The following LRRC41 variants were observed in gnomAD, a reference collection of about 807,000 sequenced individuals.
LRRC41 encodes leucine-rich repeat-containing protein 41.
In LRRC41, 17 loss-of-function variants were observed where a neutral mutation model predicts 72.1. The ratio of observed to expected loss-of-function variants is 0.24; its 90% CI spans 0.16 to 0.35. LRRC41 has a LOEUF of 0.35. Among genes scored for constraint, LRRC41 ranks in the 10% least tolerant of loss-of-function variants. The probability of loss-of-function intolerance (pLI) is 1.00; values close to 1 mark genes in which losing one functional copy is unlikely to be tolerated. For synonymous variants in LRRC41, 427 were observed against 431.0 expected (o/e 0.99, Z 0.11); for missense variants, 759 against 1,065.0 (o/e 0.71, Z 4.00).
At chr1:46,287,181 A>G (rs1660902401) in intron 3 of LRRC41, among the ~76,000 whole-genome samples, 1 of 148,198 alleles carries the variant, frequency 6.7e-6, no homozygotes, top group Non-Finnish European at 1.5e-5. Flanking sequence ...TGATCTCGGC[A>G]CACTGCAAGC....
At position 46,301,768 on chromosome 1, in the gene LRRC41, G is replaced by A. The variant is rs565638815; in HGVS notation, c.199+1356C>T. Among the ~76,000 whole-genome samples the A allele has an allele frequency of 2.6e-5, 4 of 151,924 alleles. No homozygotes were observed. In the East Asian group the frequency reaches 7.8e-4, roughly 30 times the overall value. On this transcript the variant is annotated intron_variant, in intron 1 of 9. Transcript: ENST00000617190. The stretch of plus-strand genomic sequence containing the variant: ...TCCTGCAAAGACGCCACGGCCACCC[G>A]CAAGGCCTCCTGGTGGAACCTCCCC...
intron 3 of LRRC41, among the ~76,000 whole-genome samples, chr1:46,289,374 T>TG (rs1206700385): frequency 6.6e-6 from 1 of 152,220 alleles, no homozygotes; most frequent in African/African-American, 2.4e-5. Flanking sequence ...GACAGTTAAA[T>TG]GAGTAAAGTT....
In LRRC41 at chr1:46,277,790, T is replaced by G. The variant is rs771921324; in HGVS notation, c.*1075A>C. 2 of 1,584,514 alleles carry G rather than the reference T, an allele frequency of 1.3e-6. No individual in the cohort carries two copies. The highest frequency in any genetic ancestry group is 2.2e-5 in the South Asian group (2 of 90,478). Reference sequence around the variant, plus strand: ...GAGGATGGCTAAGCGCTGTATCTTTTGACATTCCCCACCTCCTCTTCCCCA... The same window carrying G: ...GAGGATGGCTAAGCGCTGTATCTTTGGACATTCCCCACCTCCTCTTCCCCA... On this transcript the variant is annotated 3_prime_UTR_variant, in exon 10 of 10. Transcript: ENST00000617190.
chr1:46,296,460 C>CT, intron 3 of LRRC41, among the ~76,000 whole-genome samples: 1 of 152,072 alleles, frequency 6.6e-6, no homozygotes, highest in South Asian at 2.1e-4. Context: ...ACTGTTAGGT[C>CT]TTTAAGATTA....
intron 3 of LRRC41, among the ~76,000 whole-genome samples, chr1:46,291,812 G>A (rs529655735): frequency 2.2e-4 from 33 of 150,786 alleles, no homozygotes; most frequent in African/African-American, 7.5e-4. Context: ...CACCTGCCTC[G>A]GCCTCTCAAA....
intron 4 of LRRC41, among the ~76,000 whole-genome samples, chr1:46,283,009 A>C (rs868346813): frequency 1.3e-4 from 20 of 151,298 alleles, no homozygotes; most frequent in African/African-American, 4.9e-4. Flanking sequence ...GGGTGACAAC[A>C]GAGACTCCCT....
rs181459154 is a variant in LRRC41 at position 46,278,119 on chromosome 1, C to T, written c.*746G>A. 30 of 1,613,864 alleles carry T rather than the reference C, an allele frequency of 1.9e-5. No individual in the cohort carries two copies. The East Asian group carries it at 4.7e-4, about 25-fold the overall frequency. ...AACAGCCGTCAGATCCGGCCACCCC[C>T]TGATGGTTCTGACTGCACTTCAGAC... On this transcript the variant is annotated 3_prime_UTR_variant, in exon 10 of 10. Transcript: ENST00000617190.
chr1:46,280,177 G>C lies in LRRC41; in HGVS notation c.2020+15C>G, dbSNP rs1282576013. 6.2e-7 allele frequency: 1 copy of C among 1,603,310 alleles called. No homozygotes were observed. The highest frequency in any genetic ancestry group is 1.7e-5 in the Admixed American group (1 of 59,996). ...AAGACCCAGGAAATGTCCAGGTTCT[G>C]AATAAGGAACTTACCTTGCAGAGTC... On this transcript the variant is annotated intron_variant, in intron 7 of 9. Transcript: ENST00000617190.
At chr1:46,294,688 G>C (rs554740292) in intron 3 of LRRC41, among the ~76,000 whole-genome samples, 202 of 144,352 alleles carry the variant, frequency 1.4e-3, no homozygotes, top group Non-Finnish European at 2.4e-3. Flanking sequence ...TCTGCCTCCT[G>C]GGTTCAAGCA....
rs752142012 is a variant in LRRC41, at chr1:46,286,038, C to A, written c.819G>T (p.Arg273=). 3 of 1,590,438 alleles carry A rather than the reference C, an allele frequency of 1.9e-6. No homozygotes were observed. The highest frequency in any genetic ancestry group is 1.7e-5 in the Admixed American group (1 of 57,322). The part of the protein sequence containing the change: ...CRLCGEASRG[R]APSRDEGSLL... ...GGGACCCTTCATCTCGGGATGGGGC[C>A]CGGCCTCGGGAGGCCTCTCCACAGA... The change falls in exon 4 of 10, where the codon CGG becomes CGT. Residue 273 remains arginine (R), a synonymous_variant. Transcript: ENST00000617190. This position sits in a 1 kb window ranked among gnomAD's most constrained non-coding sequence, Gnocchi z 5.5.
At chr1:46,295,122 C>T (rs1299006653) in intron 3 of LRRC41, among the ~76,000 whole-genome samples, 3 of 151,792 alleles carry the variant, frequency 2.0e-5, no homozygotes, top group African/African-American at 4.8e-5. Flanking sequence ...TACAGTGGTG[C>T]GATCTTGGCT....
chr1:46,297,996 G>A (rs1661157333), intron 2 of LRRC41, among the ~76,000 whole-genome samples: 1 of 152,142 alleles, frequency 6.6e-6, no homozygotes, highest in African/African-American at 2.4e-5. Context: ...AATGAGGGGA[G>A]GAAGCTTGGT....
At position 46,278,922 on chromosome 1, in the gene LRRC41, C is replaced by G. The variant is rs761964044; in HGVS notation, c.2382G>C (p.Val794=). 9 of 1,613,634 alleles carry G rather than the reference C, an allele frequency of 5.6e-6. No homozygotes were observed. The East Asian group carries it at 1.8e-4, about 32-fold the overall frequency. ...AIRRLRATCH[V]VSDSWDSSQA... ...GGGATGAGTCCCATGAGTCGCTAACCACATGGCAGGTAGCCCGGAGCCGCC... is the reference window on the plus strand; with the variant it reads ...GGGATGAGTCCCATGAGTCGCTAACGACATGGCAGGTAGCCCGGAGCCGCC... The change falls in exon 10 of 10, where the codon GTG becomes GTC. Residue 794 remains valine (V), a synonymous_variant. Transcript: ENST00000617190.
At position 46,297,647 on chromosome 1, in the gene LRRC41, T is replaced by C; in HGVS notation, c.287-14A>G. 6.2e-7 allele frequency: 1 copy of C among 1,606,010 alleles called. No individual in the cohort carries two copies. Among genetic ancestry groups the C allele is most frequent in the Non-Finnish European group, 8.5e-7 (1 of 1,172,690 alleles). On this transcript the variant is annotated splice_polypyrimidine_tract_variant and intron_variant, in intron 2 of 9. Coordinates refer to ENST00000617190, the MANE Select transcript of LRRC41 (RefSeq NM_006369.5). The stretch of plus-strand genomic sequence containing the variant: ...GAGTTGAGAGGCCTGTAAGGAGAAA[T>C]ATCACACTTGGCTGCTTACTGGCCA...
rs1293854578 is a variant in LRRC41, at chr1:46,297,462, A to G, written c.357+101T>C. 32 of 925,280 alleles carry G rather than the reference A, an allele frequency of 3.5e-5. 1 individual carries two copies. In the South Asian group the frequency reaches 4.0e-4, roughly 12 times the overall value. The allele number at this position is 925,280 out of a possible 1,614,324, so 57.3% of individuals were successfully genotyped here. ...GCCCTCCTCCCAAATCCATTCCATCATTGCCTCTGCACTTTATCAGTACCC... is the reference window on the plus strand; with the variant it reads ...GCCCTCCTCCCAAATCCATTCCATCGTTGCCTCTGCACTTTATCAGTACCC... On this transcript the variant is annotated intron_variant, in intron 3 of 9. Transcript: ENST00000617190.
chr1:46,285,253 ACCT>A lies in LRRC41; in HGVS notation c.1495+106_1495+108del. 1.9e-6 allele frequency: 2 copies of A among 1,063,202 alleles called. No individual in the cohort carries two copies. The highest frequency in any genetic ancestry group is 2.1e-5 in the Admixed American group (1 of 48,352). The allele number at this position is 1,063,202 out of a possible 1,614,324, so 65.9% of individuals were successfully genotyped here. On this transcript the variant is annotated intron_variant, in intron 4 of 9. Transcript: ENST00000617190. The surrounding 1 kb of genome is among the most constrained non-coding windows in gnomAD (Gnocchi z 5.3). ...TGAGGCATACAAGCCTTCCTCTCTA[ACCT>A]CCTGATCATACCCCCAATTTGCCCC...
Position 46,303,303 on chromosome 1 carries a change from C to A in LRRC41, c.20G>T (p.Trp7Leu). The A allele has an allele frequency of 6.5e-7, 1 of 1,534,404 alleles. No homozygotes were observed. The highest frequency in any genetic ancestry group is 8.8e-7 in the Non-Finnish European group (1 of 1,141,632). Residue 7 changes from tryptophan to leucine, a missense_variant, in exon 1 of 10, where the codon TGG (tryptophan) becomes TTG (leucine). Transcript: ENST00000617190. MAAPEA[W>L]RARSCWFCEV... ...ACAGAACCAGCAACTCCGGGCGCGC[C>A]AGGCCTCGGGCGCCGCCATCTTGGG...
intron 3 of LRRC41, among the ~76,000 whole-genome samples, chr1:46,296,511 G>A (rs1297912362): frequency 6.6e-6 from 1 of 152,158 alleles, no homozygotes; most frequent in Non-Finnish European, 1.5e-5. Flanking sequence ...GTAAGATCTG[G>A]TACCTGGTTA....
At chr1:46,295,887 G>C (rs138792228) in intron 3 of LRRC41, among the ~76,000 whole-genome samples, 156 of 152,310 alleles carry the variant, frequency 1.0e-3, no homozygotes, top group Admixed American at 3.7e-3. Flanking sequence ...TAAGCCGAAG[G>C]AGATGGGGTT....
Sources: gnomAD v4.1 joint callset for allele counts (sites outside exome capture counted in the v4.1 genomes callset) on GRCh38, gnomAD v4.1.1 for gene constraint, Gnocchi (gnomAD v3.1) non-coding constraint, MANE v1.5 for transcripts, NCBI Gene and HGNC (gene_info 2026-07-23, HGNC 2026-07-21) for gene names.